Variants in CFHR1 observed in about 807,000 individuals in gnomAD.
CFHR1 encodes the protein complement factor H related 1, also known as complement factor H-related protein 1.
In CFHR1, 22 loss-of-function variants were observed where a neutral mutation model predicts 30.4. The observed-to-expected ratio is 0.72, with a 90% CI of 0.52 to 1.03. The LOEUF is 1.03. CFHR1 is among the 50% of genes least tolerant of loss of function. The pLI is 0.00. For missense variants in CFHR1, 248 were observed against 380.6 expected (o/e 0.65, Z 2.90); for synonymous variants, 95 against 129.1 (o/e 0.74, Z 1.79).
intron 4 of CFHR1, among the ~76,000 whole-genome samples, chr1:196,828,868 C>A (rs1655441350): frequency 7.7e-6 from 1 of 129,270 alleles, no homozygotes; most frequent in Admixed American, 7.4e-5. Context: ...TTGTAGACAG[C>A]ATATAGTTGG....
chr1:196,827,945 A>G, intron 3 of CFHR1, 125 bp from the exon 4 acceptor site: 2 of 883,398 alleles, frequency 2.3e-6, no homozygotes, highest in South Asian at 2.1e-5. Context: ...ATTAAAATCA[A>G]CAAAATATTT....
Position 196,830,658 on chromosome 1 carries a change from T to C in CFHR1, c.766T>C (p.Trp256Arg), listed in dbSNP as rs375152528. ...GCGAATAACATGTAGAAATGGACAA[T>C]GGTCAGAACCACCAAAATGCTTACG... ...NKRITCRNGQ[W>R]SEPPKCLHPC... The change falls in exon 5 of 6, where the codon TGG becomes CGG. Residue 256 changes from tryptophan (W) to arginine (R), a missense_variant. By Grantham distance (101) the Trp-to-Arg change is moderately radical. Coordinates refer to ENST00000320493, the MANE Select transcript of CFHR1 (RefSeq NM_002113.3). 76 of 1,524,674 alleles carry C rather than the reference T, an allele frequency of 5.0e-5. 13 individuals carry two copies. The highest frequency in any genetic ancestry group is 6.5e-5 in the Non-Finnish European group (73 of 1,129,166). The allele number at this position is 1,524,674 out of a possible 1,614,324, so 94.4% of individuals were successfully genotyped here.
rs1407013049 is a variant in CFHR1, at chr1:196,828,999, CTGTT to C, written c.607+754_607+757del. Among the ~76,000 whole-genome samples the C allele has an allele frequency of 3.0e-5, 4 of 133,782 alleles. 1 individual carries two copies. Among genetic ancestry groups the C allele is most frequent in the Admixed American group, 7.2e-5 (1 of 13,888 alleles). 87.8% of individuals were successfully genotyped at this position (133,782 alleles called of 152,430 possible). A position where few individuals can be genotyped will look rare whatever the true frequency, so the allele number is the denominator to read the frequency against. On this transcript the variant is annotated intron_variant, in intron 4 of 5. Transcript: ENST00000320493. ...ACCTCTGTCATTTATTTGTTTCTGT[CTGTT>C]CCCTCTGGGTTTCAGTCCTATTTCC...
rs1167960624 is a variant in CFHR1, at chr1:196,826,919, A to G, written c.344A>G (p.Asn115Ser). 2.6e-6 allele frequency: 4 copies of G among 1,525,378 alleles called. 1 individual carries two copies. The highest frequency in any genetic ancestry group is 1.7e-5 in the Admixed American group (1 of 58,010). The allele number at this position is 1,525,378 out of a possible 1,614,324, so 94.5% of individuals were successfully genotyped here. The change falls in exon 3 of 6, where the codon AAC becomes AGC. Residue 115 changes from asparagine (N) to serine (S), a missense_variant. Transcript: ENST00000320493. ...GGTGATACTGTGCAAATTATTTGCA[A>G]CACAGGATACAGACTTCAAAACAAT... Reference protein sequence around the residue: ...LEGDTVQIICNTGYRLQNNEN... With the variant: ...LEGDTVQIICSTGYRLQNNEN...
At position 196,822,374 on chromosome 1, in the gene CFHR1, A is replaced by G. The variant is rs12725419; in HGVS notation, c.58+2472A>G. On this transcript the variant is annotated intron_variant, in intron 1 of 5. Transcript: ENST00000320493. ...TAATAAATTAACCTTAGTTTATGTT[A>G]ACCTTTTTACTTCATCAACTTTAAT... 1.7e-4 allele frequency among the ~76,000 whole-genome samples: 22 copies of G among 132,962 alleles called. 2 individuals carry two copies. The highest frequency in any genetic ancestry group is 4.0e-4 in the African/African-American group (12 of 30,342). 87.2% of individuals were successfully genotyped at this position (132,962 alleles called of 152,430 possible).
intron 1 of CFHR1, among the ~76,000 whole-genome samples, chr1:196,823,097 ATATATG>A (rs1655181295): frequency 2.0e-5 from 1 of 48,864 alleles, no homozygotes; most frequent in African/African-American, 9.5e-5. Flanking sequence ...ATATATATAT[ATATATG>A]TGTGTGTGTG....
In CFHR1 at chr1:196,826,145, T is replaced by A. The variant is rs1655312756; in HGVS notation, c.253+474T>A. ...TCTCCAATAAATGTAGAGAGCAGAC[T>A]CCAATGATAACAGGTGTATTAAAAG... On this transcript the variant is annotated intron_variant, in intron 2 of 5. Transcript: ENST00000320493. 2 of 143,550 alleles carry A rather than the reference T, an allele frequency of 1.4e-5. 1 individual carries two copies. Among genetic ancestry groups the A allele is most frequent in the Non-Finnish European group, 2.9e-5 (2 of 69,674 alleles). 8.9% of individuals were successfully genotyped at this position (143,550 alleles called of 1,614,324 possible).
rs1267950114 is a variant in CFHR1 at position 196,827,169 on chromosome 1, G to A, written c.430+164G>A. ...AAGTGGATGTTGAATAACATAGTTT[G>A]CCTACCTATATAAATCAAATGTTCT... On this transcript the variant is annotated intron_variant, in intron 3 of 5. Coordinates refer to ENST00000320493, the MANE Select transcript of CFHR1 (RefSeq NM_002113.3). Among the ~76,000 whole-genome samples, 2 of 135,872 alleles carry A rather than the reference G, an allele frequency of 1.5e-5. 1 individual carries two copies. The highest frequency in any genetic ancestry group is 3.1e-5 in the Non-Finnish European group (2 of 64,464). 89.1% of individuals were successfully genotyped at this position (135,872 alleles called of 152,430 possible). A position where few individuals can be genotyped will look rare whatever the true frequency, so the allele number is the denominator to read the frequency against.
intron 4 of CFHR1, among the ~76,000 whole-genome samples, chr1:196,829,976 A>G (rs1211370280): frequency 7.5e-6 from 1 of 133,520 alleles, no homozygotes; most frequent in Non-Finnish European, 1.6e-5. Flanking sequence ...TTTTCAGTCT[A>G]TTTTCAGAGT....
At chr1:196,831,666 C>A in intron 5 of CFHR1, 131 bp from the exon 6 acceptor site, 1 of 1,211,114 alleles carries the variant, frequency 8.3e-7, no homozygotes, top group Non-Finnish European at 1.1e-6. Context: ...GATGTTTTTA[C>A]ATAGTCGGTT....
intron 3 of CFHR1, among the ~76,000 whole-genome samples, chr1:196,827,583 GT>G (rs1218930129): frequency 7.4e-6 from 1 of 135,342 alleles, no homozygotes; most frequent in African/African-American, 3.1e-5. Context: ...TTCAAAATGT[GT>G]TTTTAAATCT....
intron 1 of CFHR1, among the ~76,000 whole-genome samples, chr1:196,824,033 T>G (rs1201543049): frequency 1.5e-5 from 2 of 133,862 alleles, no homozygotes; most frequent in Non-Finnish European, 3.1e-5. Flanking sequence ...AGTATGAAGA[T>G]TTCACCCATT....
chr1:196,830,820 G>C, intron 5 of CFHR1, 138 bp downstream of exon 5: 2 of 1,214,612 alleles, frequency 1.6e-6, no homozygotes. Context: ...CTTTTAGAAA[G>C]TAAAGTTTAG....
At chr1:196,824,748 G>GTATATATATATA (rs71131725) in intron 1 of CFHR1, among the ~76,000 whole-genome samples, 1,182 of 54,796 alleles carry the variant, frequency 0.022, 41 homozygotes, top group African/African-American at 0.027. Context: ...GGGGCTGACT[G>GTATATATATATA]TATATATATA....
rs540591991 is a variant in CFHR1, at chr1:196,827,163, T to C, written c.430+158T>C. 2.2e-4 allele frequency among the ~76,000 whole-genome samples: 30 copies of C among 136,340 alleles called. 5 individuals are homozygous for C. The highest frequency in any genetic ancestry group is 9.2e-4 in the Admixed American group (13 of 14,194). 89.4% of individuals were successfully genotyped at this position (136,340 alleles called of 152,430 possible). A position where few individuals can be genotyped will look rare whatever the true frequency, so the allele number is the denominator to read the frequency against. On this transcript the variant is annotated intron_variant, in intron 3 of 5. Transcript: ENST00000320493. ...GTGTCCAAGTGGATGTTGAATAACA[T>C]AGTTTGCCTACCTATATAAATCAAA...
chr1:196,821,977 G>C (rs1369747166), intron 1 of CFHR1, among the ~76,000 whole-genome samples: 2 of 125,666 alleles, frequency 1.6e-5, no homozygotes, highest in Non-Finnish European at 3.2e-5. Flanking sequence ...GTGGGCAACT[G>C]TAGCACAATT....
rs569379833 is a variant in CFHR1 at position 196,820,650 on chromosome 1, T to G, written c.58+748T>G. Reference sequence around the variant, plus strand: ...TCTGTACATGGAGTTTCGATCATTATGCTTTACCCTTTGATTTCCAAAAAG... The same window carrying G: ...TCTGTACATGGAGTTTCGATCATTAGGCTTTACCCTTTGATTTCCAAAAAG... On this transcript the variant is annotated intron_variant, in intron 1 of 5. Coordinates refer to ENST00000320493, the MANE Select transcript of CFHR1 (RefSeq NM_002113.3). Among the ~76,000 whole-genome samples, 2 of 126,688 alleles carry G rather than the reference T, an allele frequency of 1.6e-5. 1 individual carries two copies. The highest frequency in any genetic ancestry group is 3.3e-5 in the Non-Finnish European group (2 of 61,300). The allele number at this position is 126,688 out of a possible 152,430, so 83.1% of individuals were successfully genotyped here. A position where few individuals can be genotyped will look rare whatever the true frequency, so the allele number is the denominator to read the frequency against.
At chr1:196,825,849 T>C in intron 2 of CFHR1, 178 bp downstream of exon 2, 1 of 586,494 alleles carries the variant, frequency 1.7e-6, no homozygotes, top group East Asian at 2.9e-5. Flanking sequence ...AGAATAAATA[T>C]GTCAACTGTC....
In CFHR1 at chr1:196,823,901, G is replaced by A. The variant is rs142550096; in HGVS notation, c.59-1576G>A. Among the ~76,000 whole-genome samples the A allele has an allele frequency of 7.9e-3, 1,053 of 133,544 alleles. 305 individuals are homozygous for A. Among genetic ancestry groups the A allele is most frequent in the African/African-American group, 0.033 (1,019 of 30,988 alleles). 87.6% of individuals were successfully genotyped at this position (133,544 alleles called of 152,430 possible). On this transcript the variant is annotated intron_variant, in intron 1 of 5. Transcript: ENST00000320493. ...ATGCATGTGGTAGGGAAGAGGAAGT[G>A]GTATATAGGAAATCTCTACCTTCCA... is the stretch of plus-strand genomic sequence containing the variant.
Sources: allele counts gnomAD v4.1 joint callset (sites outside exome capture counted in the v4.1 genomes callset), GRCh38; gene constraint gnomAD v4.1.1; transcripts MANE v1.5; gene names NCBI Gene and HGNC (gene_info 2026-07-23, HGNC 2026-07-21).